FRYL: variants seen among roughly 807,000 people sequenced by gnomAD.
FRYL encodes protein furry homolog-like.
A neutral mutation model predicts 351.2 loss-of-function variants in FRYL; 150 were observed. That is an observed-to-expected ratio of 0.43 (90% CI 0.37 to 0.49). The LOEUF is 0.49. FRYL is among the 20% of genes least tolerant of loss of function. The pLI is 0.00. For missense variants in FRYL, 3,036 were observed against 3,619.3 expected (o/e 0.84, Z 4.13); for synonymous variants, 1,153 against 1,257.1 (o/e 0.92, Z 1.75).
Position 48,780,173 on chromosome 4 carries a change from C to T in FRYL, c.-479G>A, listed in dbSNP as rs1776525315. The T allele has an allele frequency of 6.5e-6, 1 of 153,804 alleles. No homozygotes were observed. The highest frequency in any genetic ancestry group is 6.5e-5 in the Admixed American group (1 of 15,296). The allele number at this position is 153,804 out of a possible 1,614,324, so 9.5% of individuals were successfully genotyped here. On this transcript the variant is annotated 5_prime_UTR_variant, in exon 1 of 64. Coordinates refer to ENST00000358350, the MANE Select transcript of FRYL (RefSeq NM_015030.2). ...CCGTTCTCTTGACAATGGCGCGTCC[C>T]CTTTAAGGAATAATCCGATCGGAAC...
At chr4:48,604,862 C>G (rs1252721967) in intron 11 of FRYL, among the ~76,000 whole-genome samples, 1 of 152,130 alleles carries the variant, frequency 6.6e-6, no homozygotes, top group Non-Finnish European at 1.5e-5. Context: ...TTCCTACAAC[C>G]TGCTCCTTTT....
At chr4:48,767,057 C>G (rs1231850304) in intron 1 of FRYL, among the ~76,000 whole-genome samples, 2 of 148,442 alleles carry the variant, frequency 1.3e-5, no homozygotes, top group African/African-American at 4.9e-5. Flanking sequence ...AAATATATAT[C>G]CACTGTATTA....
At chr4:48,563,776 T>C (rs1164326564) in intron 31 of FRYL, among the ~76,000 whole-genome samples, 172 bp downstream of exon 31, 1 of 151,792 alleles carries the variant, frequency 6.6e-6, no homozygotes, top group African/African-American at 2.4e-5. Context: ...GCATTTTATA[T>C]AGAAGGCTAG....
At chr4:48,722,424 C>T (rs575421675) in intron 1 of FRYL, among the ~76,000 whole-genome samples, 1 of 152,272 alleles carries the variant, frequency 6.6e-6, no homozygotes, top group Admixed American at 6.5e-5. Context: ...TGACTGAATA[C>T]ACACTACTGA....
chr4:48,664,117 A>G (rs1761319616), intron 3 of FRYL, among the ~76,000 whole-genome samples: 1 of 152,172 alleles, frequency 6.6e-6, no homozygotes. Context: ...GACCACGGTT[A>G]AAGTGCCAGA....
At chr4:48,560,014 A>G (rs1185124760) in intron 33 of FRYL, among the ~76,000 whole-genome samples, 1 of 152,070 alleles carries the variant, frequency 6.6e-6, no homozygotes. Context: ...GTGAAGATCT[A>G]AGGCATGCAG....
intron 3 of FRYL, among the ~76,000 whole-genome samples, chr4:48,641,175 G>A (rs1755238762): frequency 6.6e-6 from 1 of 152,046 alleles, no homozygotes; most frequent in Non-Finnish European, 1.5e-5. Flanking sequence ...CTAATGTGAA[G>A]AGGAAAAAAG....
chr4:48,570,970 AAAG>A (rs1475185279), intron 26 of FRYL, 52 bp from the exon 27 acceptor site: 1 of 1,416,930 alleles, frequency 7.1e-7, no homozygotes, highest in African/African-American at 1.4e-5. Flanking sequence ...TGTAACTTGG[AAAG>A]AATAATGTGA....
chr4:48,641,857 A>C (rs1444339123), intron 3 of FRYL, among the ~76,000 whole-genome samples: 1 of 152,206 alleles, frequency 6.6e-6, no homozygotes, highest in Non-Finnish European at 1.5e-5. Flanking sequence ...ATTTGCATAA[A>C]AAGAGCAAAA....
At chr4:48,537,482 C>A (rs1729135818) in intron 47 of FRYL, among the ~76,000 whole-genome samples, 1 of 152,120 alleles carries the variant, frequency 6.6e-6, no homozygotes, top group African/African-American at 2.4e-5. Flanking sequence ...TCCAAAGGCA[C>A]AAACAGTAGA....
At chr4:48,710,193 T>C (rs1156300566) in intron 2 of FRYL, among the ~76,000 whole-genome samples, 1 of 152,210 alleles carries the variant, frequency 6.6e-6, no homozygotes, top group African/African-American at 2.4e-5. Context: ...TAGGAGGATA[T>C]TCTTCAACAA....
At chr4:48,758,458 C>T (rs1774042220) in intron 1 of FRYL, among the ~76,000 whole-genome samples, 1 of 152,210 alleles carries the variant, frequency 6.6e-6, no homozygotes, top group South Asian at 2.1e-4. Context: ...GACATTTATG[C>T]AGCCAACAGA....
At chr4:48,750,688 T>C (rs1362153991) in intron 1 of FRYL, among the ~76,000 whole-genome samples, 5 of 152,056 alleles carry the variant, frequency 3.3e-5, no homozygotes, top group African/African-American at 9.7e-5. Context: ...TTACGGATAA[T>C]TGCAAGATTT....
At chr4:48,527,268 T>C (rs1726470635) in intron 53 of FRYL, among the ~76,000 whole-genome samples, 1 of 152,208 alleles carries the variant, frequency 6.6e-6, no homozygotes, top group African/African-American at 2.4e-5. Flanking sequence ...AATTTTATAT[T>C]TTTAAAGATA....
intron 1 of FRYL, among the ~76,000 whole-genome samples, chr4:48,716,953 T>C (rs1156775464): frequency 6.6e-6 from 1 of 150,890 alleles, no homozygotes; most frequent in Admixed American, 6.7e-5. Context: ...TAAAAAAGGA[T>C]GAGTTCATGT....
chr4:48,515,328 T>A lies in FRYL; in HGVS notation c.7690-53A>T, dbSNP rs976568092. The A allele has an allele frequency of 1.1e-5, 15 of 1,322,110 alleles. No homozygotes were observed. The African/African-American group carries it at 1.6e-4, about 14-fold the overall frequency. The allele number at this position is 1,322,110 out of a possible 1,614,324, so 81.9% of individuals were successfully genotyped here. A position where few individuals can be genotyped will look rare whatever the true frequency, so the allele number is the denominator to read the frequency against. On this transcript the variant is annotated intron_variant, in intron 55 of 63. Transcript: ENST00000358350. ...CTATAAACACATAAAAAAAGAATTT[T>A]ACAACACAATAAATAAGTATTGCCA...
Position 48,762,767 on chromosome 4 carries a change from G to C in FRYL, c.-384+17311C>G, listed in dbSNP as rs1484159574. Among the ~76,000 whole-genome samples the C allele has an allele frequency of 3.9e-5, 6 of 152,264 alleles. No individual in the cohort carries two copies. The East Asian group carries it at 1.2e-3, about 29-fold the overall frequency. The stretch of plus-strand genomic sequence containing the variant: ...CACCATCACATACCATATAAAACCA[G>C]TCTTTGCAAGGATTTTTGCATGTCT... On this transcript the variant is annotated intron_variant, in intron 1 of 63. Coordinates refer to ENST00000358350, the MANE Select transcript of FRYL (RefSeq NM_015030.2).
At chr4:48,671,829 G>C (rs2149506399) in intron 3 of FRYL, among the ~76,000 whole-genome samples, 1 of 127,752 alleles carries the variant, frequency 7.8e-6, no homozygotes, top group Admixed American at 1.0e-4. Flanking sequence ...CTCCAGCCTG[G>C]GCGAGAGAGA....
At chr4:48,761,334 A>G (rs1173622335) in intron 1 of FRYL, among the ~76,000 whole-genome samples, 5 of 152,184 alleles carry the variant, frequency 3.3e-5, no homozygotes, top group Non-Finnish European at 7.3e-5. Flanking sequence ...ATGTTACATC[A>G]ACGACTGATT....
Sources: allele counts gnomAD v4.1 joint callset (sites outside exome capture counted in the v4.1 genomes callset), GRCh38; gene constraint gnomAD v4.1.1; transcripts MANE v1.5; gene names NCBI Gene and HGNC (gene_info 2026-07-23, HGNC 2026-07-21).